Variants in DDX51 observed in about 807,000 individuals in gnomAD.
DDX51 encodes the protein ATP-dependent RNA helicase DDX51.
DDX51 carries 67 observed loss-of-function variants against 74.6 expected under a neutral mutation model. The observed-to-expected ratio is 0.90, with a 90% CI of 0.74 to 1.10. DDX51 has a LOEUF of 1.10. Among genes scored for constraint, DDX51 ranks in the 50% least tolerant of loss-of-function variants. The pLI is 0.00. For synonymous variants in DDX51, 545 were observed against 402.9 expected, an observed-to-expected ratio of 1.35 and a Z score of -4.22; for missense variants, 1,056 against 905.2, an observed-to-expected ratio of 1.17 and a Z score of -2.14.
Position 132,144,234 on chromosome 12 carries a change from C to G in DDX51, c.63G>C (p.Glu21Asp). The G allele has an allele frequency of 8.2e-7, 1 of 1,226,860 alleles. No homozygotes were observed. Among genetic ancestry groups the G allele is most frequent in the South Asian group, 3.6e-5 (1 of 27,486 alleles). 76.0% of individuals were successfully genotyped at this position (1,226,860 alleles called of 1,614,324 possible). A position where few individuals can be genotyped will look rare whatever the true frequency, so the allele number is the denominator to read the frequency against. The change falls in exon 1 of 15, where the codon GAG becomes GAC. Residue 21 changes from glutamate (E) to aspartate (D), a missense_variant. Glu to Asp is a conservative substitution (Grantham distance 45). Coordinates refer to ENST00000397333, the MANE Select transcript of DDX51 (RefSeq NM_175066.4). Reference sequence around the variant, plus strand: ...TGCCGTGCGCCCCGGCCTCCGCGCCCTCCGGCCCCGCCGCAGCTGCCGCAT... The same window carrying G: ...TGCCGTGCGCCCCGGCCTCCGCGCCGTCCGGCCCCGCCGCAGCTGCCGCAT... ...GPDAAAAAGP[E>D]GAEAGAHGRA... is the part of the protein sequence containing the mutation.
At chr12:132,141,100 C>G in intron 8 of DDX51, 80 bp from the exon 9 acceptor site, 1 of 1,519,192 alleles carries the variant, frequency 6.6e-7, no homozygotes, top group Non-Finnish European at 8.8e-7. Context: ...TCATGCTACG[C>G]ACTGTAGAGA....
rs1002986933 is a variant in DDX51 at position 132,137,339 on chromosome 12, CTTTCTGGCTGCTT to C, written c.*1920_*1932del. ...TCTCATCTGTGATTCACAGTCTGCT[CTTTCTGGCTGCTT>C]GTCGTGAGAAGTGATTTTGAACCCC... is the stretch of plus-strand genomic sequence containing the variant. On this transcript the variant is annotated 3_prime_UTR_variant, in exon 15 of 15. Coordinates refer to ENST00000397333, the MANE Select transcript of DDX51 (RefSeq NM_175066.4). The C allele has an allele frequency of 7.9e-5, 12 of 152,234 alleles. No individual in the cohort carries two copies. Among genetic ancestry groups the C allele is most frequent in the African/African-American group, 2.9e-4 (12 of 41,454 alleles). The allele number at this position is 152,234 out of a possible 1,614,324, so 9.4% of individuals were successfully genotyped here.
intron 11 of DDX51, 85 bp downstream of exon 11, chr12:132,140,338 G>A (rs748811346): frequency 2.1e-5 from 33 of 1,577,334 alleles, no homozygotes; most frequent in Non-Finnish European, 2.3e-5. Context: ...ATTTGCAGAA[G>A]GAAGCACCTT....
At chr12:132,142,909 A>G in intron 2 of DDX51, 31 bp from the exon 3 acceptor site, 6 of 1,610,842 alleles carry the variant, frequency 3.7e-6, no homozygotes, top group Non-Finnish European at 5.1e-6. Flanking sequence ...AGGCCAGGTG[A>G]GCGCTTTCCA....
chr12:132,139,151 AG>A lies in DDX51; in HGVS notation c.*120del. 1 of 1,432,896 alleles carries A rather than the reference AG, an allele frequency of 7.0e-7. No individual in the cohort carries two copies. Among genetic ancestry groups the A allele is most frequent in the Non-Finnish European group, 9.4e-7 (1 of 1,060,148 alleles). 88.8% of individuals were successfully genotyped at this position (1,432,896 alleles called of 1,614,324 possible). ...TGGCGCAGAGACCACGTGCTTGGGG[AG>A]GAAGGCTGTGTCCACTGGGGGATTC... On this transcript the variant is annotated 3_prime_UTR_variant, in exon 15 of 15. Transcript: ENST00000397333.
rs1434350225 is a variant in DDX51 at position 132,143,891 on chromosome 12, G to A, written c.323C>T (p.Pro108Leu). Residue 108 changes from proline to leucine, a missense_variant, in exon 2 of 15, where the codon CCA (proline) becomes CTA (leucine). By Grantham distance (98) the Pro-to-Leu change is moderately conservative. Transcript: ENST00000397333. ...GCTGCTCCCTGCGCTGGGCTCCCCT[G>A]GCGCCTCCTCGTTGCTTTCTGCGAG... ...DAGAESNEEA[P>L]GEPSAGSSEE... 1 of 1,515,650 alleles carries A rather than the reference G, an allele frequency of 6.6e-7. No individual in the cohort carries two copies. Among genetic ancestry groups the A allele is most frequent in the South Asian group, 1.2e-5 (1 of 82,836 alleles). The allele number at this position is 1,515,650 out of a possible 1,614,324, so 93.9% of individuals were successfully genotyped here. A position where few individuals can be genotyped will look rare whatever the true frequency, so the allele number is the denominator to read the frequency against.
At position 132,137,824 on chromosome 12, in the gene DDX51, G is replaced by A. The variant is rs1441004447; in HGVS notation, c.*1448C>T. The A allele has an allele frequency of 6.6e-6, 1 of 152,194 alleles. No homozygotes were observed. The allele number at this position is 152,194 out of a possible 1,614,324, so 9.4% of individuals were successfully genotyped here. On this transcript the variant is annotated 3_prime_UTR_variant, in exon 15 of 15. Transcript: ENST00000397333. ...GCAGCCATCACCACACACAACCTAA[G>A]AACATTTTCATCATCCCCAAAACAA...
At position 132,141,335 on chromosome 12, in the gene DDX51, T is replaced by G. The variant is rs771849988; in HGVS notation, c.1190A>C (p.Asp397Ala). ...GAGCAGGGCACAGGGGTCCGCGGGG[T>G]CCTCGCTCTGGAAGGCGGCCGCCAC... ...RVVAAAFQSE[D>A]PADPCALLQR... Residue 397 changes from aspartate to alanine, a missense_variant, in exon 8 of 15, where the codon GAC becomes GCC. Coordinates refer to ENST00000397333, the MANE Select transcript of DDX51 (RefSeq NM_175066.4). 6.3e-7 allele frequency: 1 copy of G among 1,598,670 alleles called. No individual in the cohort carries two copies. Among genetic ancestry groups the G allele is most frequent in the South Asian group, 1.1e-5 (1 of 91,012 alleles).
chr12:132,140,499 C>T lies in DDX51; in HGVS notation c.1597G>A (p.Ala533Thr). The change falls in exon 11 of 15, where the codon GCT (alanine) becomes ACT (threonine). Residue 533 changes from alanine to threonine, a missense_variant. Transcript: ENST00000397333. Reference protein sequence around the residue: ...LVQAFGGVDVAEFSSRYGPGQ... With the variant: ...LVQAFGGVDVTEFSSRYGPGQ... ...GGCCCGTAGCGCGAGGAGAACTCAG[C>T]CACGTCCACACCCCCAAAAGCTTGC... is the stretch of plus-strand genomic sequence containing the variant. 6.2e-7 allele frequency: 1 copy of T among 1,613,176 alleles called. No individual in the cohort carries two copies. The highest frequency in any genetic ancestry group is 8.5e-7 in the Non-Finnish European group (1 of 1,180,030).
intron 14 of DDX51, 168 bp downstream of exon 14, chr12:132,139,467 T>C: frequency 6.6e-7 from 1 of 1,518,194 alleles, no homozygotes; most frequent in Non-Finnish European, 9.1e-7. Flanking sequence ...CCACCACTGG[T>C]GCCCAGGGGC....
rs1171983102 is a variant in DDX51, at chr12:132,141,961, A to G, written c.889-5T>C. 1.9e-6 allele frequency: 3 copies of G among 1,612,790 alleles called. No individual in the cohort carries two copies. The highest frequency in any genetic ancestry group is 2.5e-6 in the Non-Finnish European group (3 of 1,179,794). On this transcript the variant is annotated splice_region_variant and splice_polypyrimidine_tract_variant and intron_variant, in intron 5 of 14. Transcript: ENST00000397333. ...GATGTTGAAAACTTTGCTCACCTGC[A>G]GGAGAAGTCTGTCACTGGCCTGGAG...
At chr12:132,139,408 G>A (rs1420182752) in intron 14 of DDX51, 110 bp from the exon 15 acceptor site, 3 of 1,547,776 alleles carry the variant, frequency 1.9e-6, no homozygotes, top group Non-Finnish European at 2.6e-6. Flanking sequence ...TGTGCATGCA[G>A]AAACCAGGCC....
chr12:132,141,179 C>T (rs974766281), intron 8 of DDX51, 96 bp downstream of exon 8: 32 of 1,507,712 alleles, frequency 2.1e-5, no homozygotes, highest in Non-Finnish European at 2.8e-5. Context: ...TGCACCAGAG[C>T]TCAAGCCACC....
chr12:132,140,693 C>G lies in DDX51; in HGVS notation c.1483G>C (p.Val495Leu). 6.2e-7 allele frequency: 1 copy of G among 1,613,050 alleles called. No homozygotes were observed. The highest frequency in any genetic ancestry group is 8.5e-7 in the Non-Finnish European group (1 of 1,180,012). ...CCCATCTCCAGGACCAGGTGCAGGACGACCAGCGGCTTAGAGCTGAGGCTG... is the reference window on the plus strand; with the variant it reads ...CCCATCTCCAGGACCAGGTGCAGGAGGACCAGCGGCTTAGAGCTGAGGCTG... Reference protein sequence around the residue: ...PCSLSSKPLVVLHLVLEMGFS... With the variant: ...PCSLSSKPLVLLHLVLEMGFS... Residue 495 changes from valine to leucine, a missense_variant, in exon 10 of 15, where the codon GTC becomes CTC. Physicochemically the swap from Val to Leu is conservative, Grantham distance 32. Transcript: ENST00000397333.
intron 14 of DDX51, 131 bp from the exon 15 acceptor site, chr12:132,139,429 T>C: frequency 1.3e-6 from 2 of 1,522,828 alleles, no homozygotes; most frequent in South Asian, 2.3e-5. Context: ...CTGGCCCCGC[T>C]GACAGCCCTC....
At chr12:132,142,943 T>G in intron 2 of DDX51, 65 bp from the exon 3 acceptor site, 1 of 1,602,086 alleles carries the variant, frequency 6.2e-7, no homozygotes. Context: ...AAGCCCACGG[T>G]GGAAAAAGCT....
At position 132,143,995 on chromosome 12, in the gene DDX51, G is replaced by C; in HGVS notation, c.302C>G (p.Ala101Gly). ...RRKADGEDAGAESNEEAPGEP... is the reference protein window; with the variant it reads ...RRKADGEDAGGESNEEAPGEP... ...AGCCCGCTCGCCCCGCGGCCCACCT[G>C]CGCCCGCGTCCTCGCCGTCCGCCTT... The change falls in exon 1 of 15, where the codon GCA becomes GGA. Residue 101 changes from alanine (A) to glycine (G), a missense_variant and splice_region_variant. Ala to Gly is a moderately conservative substitution (Grantham distance 60). Coordinates refer to ENST00000397333, the MANE Select transcript of DDX51 (RefSeq NM_175066.4). 1 of 1,392,980 alleles carries C rather than the reference G, an allele frequency of 7.2e-7. No individual in the cohort carries two copies. Among genetic ancestry groups the C allele is most frequent in the South Asian group, 1.6e-5 (1 of 63,062 alleles). 86.3% of individuals were successfully genotyped at this position (1,392,980 alleles called of 1,614,324 possible).
At chr12:132,141,699 C>CCCTT in intron 6 of DDX51, 93 bp from the exon 7 acceptor site, 1 of 1,487,942 alleles carries the variant, frequency 6.7e-7, no homozygotes, top group Non-Finnish European at 9.1e-7. Context: ...CGACTCCACC[C>CCCTT]CACATGGGAA....
chr12:132,141,197 C>T (rs957914338), intron 8 of DDX51, 78 bp downstream of exon 8: 4 of 1,515,540 alleles, frequency 2.6e-6, no homozygotes, highest in African/African-American at 1.4e-5. Context: ...ACCCTTATCT[C>T]TGGGCATTAA....
Sources: gnomAD v4.1 joint callset for allele counts on GRCh38, gnomAD v4.1.1 for gene constraint, MANE v1.5 for transcripts, NCBI Gene and HGNC (gene_info 2026-07-23, HGNC 2026-07-21) for gene names.